COL6A6: variants seen among roughly 807,000 people sequenced by gnomAD.
The protein encoded by COL6A6 is collagen type VI alpha 6 chain.
In COL6A6, 183 loss-of-function variants were observed where a neutral mutation model predicts 208.6. That is an observed-to-expected ratio of 0.88 (90% CI 0.78 to 0.99). The LOEUF is 0.99. Among genes scored for constraint, COL6A6 ranks in the 50% least tolerant of loss-of-function variants. The pLI is 0.00. For missense variants in COL6A6, 2,816 were observed against 2,815.2 expected, an observed-to-expected ratio of 1.00 and a Z score of -0.01; for synonymous variants, 973 against 1,011.8, an observed-to-expected ratio of 0.96 and a Z score of 0.73.
At chr3:130,625,670 A>C (rs1014354380) in intron 24 of COL6A6, among the ~76,000 whole-genome samples, 2 of 152,174 alleles carry the variant, frequency 1.3e-5, no homozygotes, top group African/African-American at 4.8e-5. Context: ...AGTCTAAAGG[A>C]GCCTACGGAG....
In COL6A6 at chr3:130,560,439, A is replaced by C. The variant is rs1465555565; in HGVS notation, c.64+11A>C. 6.2e-7 allele frequency: 1 copy of C among 1,602,066 alleles called. No homozygotes were observed. The highest frequency in any genetic ancestry group is 2.2e-5 in the East Asian group (1 of 44,692). On this transcript the variant is annotated intron_variant, in intron 2 of 36. Transcript: ENST00000358511. ...TGAACCAAGATTCCGGTAAGGAAAA[A>C]CTGGAAAGAATTCTTAATTTTGATT... is the stretch of plus-strand genomic sequence containing the variant.
intron 23 of COL6A6, among the ~76,000 whole-genome samples, chr3:130,612,751 G>A (rs2064397131): frequency 6.6e-6 from 1 of 152,080 alleles, no homozygotes; most frequent in African/African-American, 2.4e-5. Context: ...TACAAGCATG[G>A]GGGCATCAGA....
intron 1 of COL6A6, among the ~76,000 whole-genome samples, chr3:130,544,400 G>A (rs6775507): frequency 0.049 from 7,433 of 152,152 alleles, 643 homozygotes; most frequent in African/African-American, 0.17. Flanking sequence ...CTTTCTGTGT[G>A]TGTATCTCAG....
At chr3:130,671,550 T>C (rs1576435137) in intron 36 of COL6A6, among the ~76,000 whole-genome samples, 1 of 152,212 alleles carries the variant, frequency 6.6e-6, no homozygotes, top group South Asian at 2.1e-4. Flanking sequence ...TCAAAAGTTA[T>C]GAGCCACACA....
At chr3:130,547,585 G>C (rs181859070) in intron 1 of COL6A6, among the ~76,000 whole-genome samples, 3 of 152,246 alleles carry the variant, frequency 2.0e-5, no homozygotes, top group Admixed American at 2.0e-4. Context: ...GGCTGAGAAC[G>C]AGTGAGGGCC....
chr3:130,585,445 A>G (rs1010285130), intron 10 of COL6A6, among the ~76,000 whole-genome samples: 58 of 152,356 alleles, frequency 3.8e-4, no homozygotes, highest in African/African-American at 1.4e-3. Context: ...TAATGCATGT[A>G]AAGCACTTAA....
At chr3:130,665,699 C>A (rs1019815853) in intron 36 of COL6A6, among the ~76,000 whole-genome samples, 1 of 152,090 alleles carries the variant, frequency 6.6e-6, no homozygotes, top group Non-Finnish European at 1.5e-5. Flanking sequence ...GTTCTCTATA[C>A]AAGAATGCTA....
chr3:130,655,069 G>A (rs2065752214), intron 33 of COL6A6, among the ~76,000 whole-genome samples: 2 of 152,170 alleles, frequency 1.3e-5, no homozygotes, highest in Admixed American at 1.3e-4. Context: ...CAGTAGTGAT[G>A]TTATCTGTAG....
intron 33 of COL6A6, among the ~76,000 whole-genome samples, chr3:130,653,632 T>A (rs6802634): frequency 0.028 from 4,219 of 152,108 alleles, 152 homozygotes; most frequent in African/African-American, 0.088. Context: ...CACAGGAGAG[T>A]GAGCAATAAG....
At chr3:130,542,161 A>T (rs2062381271) in intron 1 of COL6A6, among the ~76,000 whole-genome samples, 1 of 148,766 alleles carries the variant, frequency 6.7e-6, no homozygotes, top group Non-Finnish European at 1.5e-5. Flanking sequence ...TCTTTTTAAA[A>T]TTTTTATTTT....
In COL6A6 at chr3:130,598,670, C is replaced by T. The variant is rs563585125; in HGVS notation, c.4599+240C>T. On this transcript the variant is annotated intron_variant, in intron 19 of 36. Coordinates refer to ENST00000358511, the MANE Select transcript of COL6A6 (RefSeq NM_001102608.3). The stretch of plus-strand genomic sequence containing the variant: ...GACTTGATTCACCAAGACACATCCT[C>T]GAGGTCTTCATGAATATAAACATTG... Among the ~76,000 whole-genome samples, 6 of 152,258 alleles carry T rather than the reference C, an allele frequency of 3.9e-5. No individual in the cohort carries two copies. In the South Asian group the frequency reaches 1.2e-3, roughly 32 times the overall value.
In COL6A6 at chr3:130,635,755, C is replaced by T. The variant is rs2065094491; in HGVS notation, c.5085C>T (p.Gly1695=). The T allele has an allele frequency of 2.5e-5, 41 of 1,610,702 alleles. 1 individual carries two copies. Among genetic ancestry groups the T allele is most frequent in the South Asian group, 3.3e-5 (3 of 90,828 alleles). Residue 1695 remains glycine, a synonymous_variant, in exon 28 of 37, where the codon GGC becomes GGT. Transcript: ENST00000358511. Reference sequence around the variant, plus strand: ...AGACTGGGCTGAAGGGAGCTAGAGGCAAAATGGTAAGCTTCTTAGATTCCA... The same window carrying T: ...AGACTGGGCTGAAGGGAGCTAGAGGTAAAATGGTAAGCTTCTTAGATTCCA... ...PGETGLKGAR[G]KMISAGLPGE...
At chr3:130,628,856 C>CGT (rs2064975083) in intron 26 of COL6A6, among the ~76,000 whole-genome samples, 1 of 115,010 alleles carries the variant, frequency 8.7e-6, no homozygotes, top group South Asian at 2.7e-4. Flanking sequence ...AGAAGGAAAA[C>CGT]TAACAACCAG....
chr3:130,568,816 A>G (rs1473098152), intron 6 of COL6A6, among the ~76,000 whole-genome samples: 1 of 152,256 alleles, frequency 6.6e-6, no homozygotes, highest in Non-Finnish European at 1.5e-5. Flanking sequence ...AAATAGCACT[A>G]CAGTGATGGA....
chr3:130,536,076 AT>A, intron 1 of COL6A6, among the ~76,000 whole-genome samples: 1 of 152,204 alleles, frequency 6.6e-6, no homozygotes, highest in East Asian at 1.9e-4. Context: ...CAAATTTTCT[AT>A]TTTTGATTTT....
Position 130,574,145 on chromosome 3 carries a change from C to T in COL6A6, c.3167C>T (p.Thr1056Ile). 6.2e-7 allele frequency: 1 copy of T among 1,613,976 alleles called. No individual in the cohort carries two copies. The highest frequency in any genetic ancestry group is 2.2e-5 in the East Asian group (1 of 44,872). Reference protein sequence around the residue: ...DTYHPEFPLGTFIGEKEISFQ... With the variant: ...DTYHPEFPLGIFIGEKEISFQ... ...TATCACCCGGAGTTTCCACTGGGAA[C>T]TTTCATAGGTGAAAAAGAGATATCA... Residue 1056 changes from threonine (T) to isoleucine (I), a missense_variant, in exon 8 of 37, where the codon ACT becomes ATT. Thr to Ile is a moderately conservative substitution (Grantham distance 89, BLOSUM62 -1). Transcript: ENST00000358511.
At chr3:130,550,572 G>A (rs913563460) in intron 1 of COL6A6, among the ~76,000 whole-genome samples, 1 of 152,214 alleles carries the variant, frequency 6.6e-6, no homozygotes, top group African/African-American at 2.4e-5. Context: ...ATGGATGGAG[G>A]TGAAAGGCAC....
chr3:130,617,526 T>C (rs1433522064), intron 23 of COL6A6, among the ~76,000 whole-genome samples: 1 of 152,000 alleles, frequency 6.6e-6, no homozygotes, highest in East Asian at 1.9e-4. Context: ...ATGGTTGGAG[T>C]GTAGAATGCA....
intron 8 of COL6A6, among the ~76,000 whole-genome samples, chr3:130,575,171 T>C (rs955783322): frequency 2.0e-5 from 3 of 152,188 alleles, no homozygotes; most frequent in Non-Finnish European, 4.4e-5. Context: ...TGCAAGGTCA[T>C]TAAGAGGCAG....
Sources: gnomAD v4.1 joint callset for allele counts (sites outside exome capture counted in the v4.1 genomes callset) on GRCh38, gnomAD v4.1.1 for gene constraint, MANE v1.5 for transcripts, NCBI Gene and HGNC (gene_info 2026-07-23, HGNC 2026-07-21) for gene names.